Variants in GALNT17 observed in about 807,000 individuals in gnomAD.
GALNT17 encodes UDP-GalNAc:polypeptide N-acetylgalactosaminyltransferase-like 3.
GALNT17 carries 29 observed loss-of-function variants against 63.7 expected under a neutral mutation model. That is an observed-to-expected ratio of 0.46 (90% CI 0.34 to 0.62). GALNT17 has a LOEUF of 0.62. Among genes scored for constraint, GALNT17 ranks in the 20% least tolerant of loss-of-function variants. GALNT17 has a pLI of 0.01. For missense variants in GALNT17, 603 were observed against 799.6 expected (o/e 0.75, Z 2.97); for synonymous variants, 305 against 318.3 (o/e 0.96, Z 0.45).
At chr7:71,647,037 C>T (rs1396870053) in intron 6 of GALNT17, among the ~76,000 whole-genome samples, 1 of 150,824 alleles carries the variant, frequency 6.6e-6, no homozygotes, top group Non-Finnish European at 1.5e-5. Flanking sequence ...TGAGCCACCG[C>T]CCCTGGCCCA....
At chr7:71,544,506 CT>C (rs2116815023) in intron 5 of GALNT17, among the ~76,000 whole-genome samples, 1 of 152,228 alleles carries the variant, frequency 6.6e-6, no homozygotes, top group East Asian at 1.9e-4. Flanking sequence ...GTTCTGAGAA[CT>C]GGCTGCAGCT....
rs189936388 is a variant in GALNT17 at position 71,242,468 on chromosome 7, C to T, written c.239-93082C>T. Among the ~76,000 whole-genome samples, 383 of 151,982 alleles carry T rather than the reference C, an allele frequency of 2.5e-3. 5 individuals are homozygous for T. Among genetic ancestry groups the T allele is most frequent in the African/African-American group, 8.7e-3 (359 of 41,454 alleles). ...TATTTTTAGTAGAGACAGGGTTTCA[C>T]CATGTTAGCCAGGATGGTCTCGATC... On this transcript the variant is annotated intron_variant, in intron 1 of 10. Transcript: ENST00000333538.
intron 1 of GALNT17, among the ~76,000 whole-genome samples, chr7:71,253,477 T>G (rs1790236905): frequency 6.6e-6 from 1 of 151,906 alleles, no homozygotes; most frequent in African/African-American, 2.4e-5. Context: ...ACAATGAGAT[T>G]TGGGTGGGGA....
chr7:71,371,312 A>G (rs920396563), intron 2 of GALNT17, among the ~76,000 whole-genome samples: 2 of 152,224 alleles, frequency 1.3e-5, no homozygotes, highest in African/African-American at 4.8e-5. Context: ...GAAAAAGTAT[A>G]AAGAAGCAAC....
intron 1 of GALNT17, among the ~76,000 whole-genome samples, chr7:71,269,479 C>T (rs796640269): frequency 1.1e-4 from 17 of 152,162 alleles, no homozygotes; most frequent in African/African-American, 4.1e-4. Context: ...AAAAAATAAG[C>T]CTTTGCTTCC....
chr7:71,278,914 T>TTTC (rs533274811), intron 1 of GALNT17, among the ~76,000 whole-genome samples: 2 of 151,060 alleles, frequency 1.3e-5, no homozygotes, highest in Non-Finnish European at 3.0e-5. Flanking sequence ...TTTTCCTCTT[T>TTTC]TTCTTCTTCT....
chr7:71,266,819 C>T (rs1790500085), intron 1 of GALNT17, among the ~76,000 whole-genome samples: 1 of 152,044 alleles, frequency 6.6e-6, no homozygotes, highest in African/African-American at 2.4e-5. Context: ...AGAGCCTGGT[C>T]CCAAATATTG....
chr7:71,254,396 A>T (rs1191721671), intron 1 of GALNT17, among the ~76,000 whole-genome samples: 6 of 152,144 alleles, frequency 3.9e-5, no homozygotes, highest in Non-Finnish European at 8.8e-5. Context: ...CAGAATGTAG[A>T]TTTTCCCTAC....
At chr7:71,213,278 A>G (rs1432798898) in intron 1 of GALNT17, among the ~76,000 whole-genome samples, 2 of 152,174 alleles carry the variant, frequency 1.3e-5, no homozygotes, top group African/African-American at 4.8e-5. Flanking sequence ...GCCACCATGT[A>G]AGAAGTGGCT....
At chr7:71,176,946 T>C (rs1788650072) in intron 1 of GALNT17, among the ~76,000 whole-genome samples, 2 of 152,320 alleles carry the variant, frequency 1.3e-5, no homozygotes, top group South Asian at 4.1e-4. Context: ...GCTTTGTCTC[T>C]AGAAGCGGAG....
At chr7:71,337,942 T>C (rs1367690175) in intron 2 of GALNT17, among the ~76,000 whole-genome samples, 2 of 151,874 alleles carry the variant, frequency 1.3e-5, no homozygotes, top group Admixed American at 6.6e-5. Flanking sequence ...ACATCTATAA[T>C]CCTAGCCCTT....
chr7:71,407,902 G>C (rs1359779324), intron 3 of GALNT17, among the ~76,000 whole-genome samples: 5 of 152,152 alleles, frequency 3.3e-5, no homozygotes, highest in Non-Finnish European at 7.3e-5. Flanking sequence ...TGGTCACCAG[G>C]GGTTGGGAAA....
rs74524505 is a variant in GALNT17, at chr7:71,421,200, C to T, written c.962+95C>T. Reference sequence around the variant, plus strand: ...AGGCCAGGAAAGCCTGCCTTGGGCTCGAGCAGCTGTGTGCACACAGCTCTC... The same window carrying T: ...AGGCCAGGAAAGCCTGCCTTGGGCTTGAGCAGCTGTGTGCACACAGCTCTC... On this transcript the variant is annotated intron_variant, in intron 5 of 10. Coordinates refer to ENST00000333538, the MANE Select transcript of GALNT17 (RefSeq NM_022479.3). The T allele has an allele frequency of 1.7e-3, 2,332 of 1,376,632 alleles. 41 individuals are homozygous for T. The East Asian group carries it at 0.023, about 14-fold the overall frequency. 85.3% of individuals were successfully genotyped at this position (1,376,632 alleles called of 1,614,324 possible). A position where few individuals can be genotyped will look rare whatever the true frequency, so the allele number is the denominator to read the frequency against.
intron 2 of GALNT17, among the ~76,000 whole-genome samples, chr7:71,384,555 C>G (rs969355381): frequency 1.3e-5 from 2 of 152,100 alleles, no homozygotes; most frequent in Non-Finnish European, 2.9e-5. Context: ...GGTGGAGAGG[C>G]CTGAGTGCCC....
At chr7:71,609,035 C>T (rs1790087460) in intron 6 of GALNT17, among the ~76,000 whole-genome samples, 1 of 151,792 alleles carries the variant, frequency 6.6e-6, no homozygotes, top group Non-Finnish European at 1.5e-5. Context: ...CCCATTACAG[C>T]CTCCCAAAGT....
chr7:71,321,793 A>C (rs930963249), intron 1 of GALNT17, among the ~76,000 whole-genome samples: 1 of 149,804 alleles, frequency 6.7e-6, no homozygotes, highest in African/African-American at 2.5e-5. Flanking sequence ...TGGCCCCCCA[A>C]AATGCTCAGA....
At chr7:71,482,572 G>A (rs973022799) in intron 5 of GALNT17, among the ~76,000 whole-genome samples, 7 of 152,176 alleles carry the variant, frequency 4.6e-5, no homozygotes, top group South Asian at 2.1e-4. Context: ...ATGGTAAAGC[G>A]TGTTGCTCCT....
intron 4 of GALNT17, 147 bp from the exon 5 acceptor site, chr7:71,420,761 G>A: frequency 1.1e-6 from 1 of 904,480 alleles, no homozygotes; most frequent in Non-Finnish European, 1.8e-6. Flanking sequence ...GCGTGGGCAG[G>A]TCCCTGGGAG....
chr7:71,580,399 T>TGATAGATAGATA (rs59745749), intron 6 of GALNT17, among the ~76,000 whole-genome samples: 108 of 147,588 alleles, frequency 7.3e-4, no homozygotes, highest in East Asian at 1.6e-3. Context: ...GATAGATGGA[T>TGATAGATAGATA]GATAGATAGA....
Sources: gnomAD v4.1 joint callset for allele counts (sites outside exome capture counted in the v4.1 genomes callset) on GRCh38, gnomAD v4.1.1 for gene constraint, MANE v1.5 for transcripts, NCBI Gene and HGNC (gene_info 2026-07-23, HGNC 2026-07-21) for gene names.